NEXN: variants seen among roughly 807,000 people sequenced by gnomAD.
NEXN encodes nexilin.
In NEXN, 65 loss-of-function variants were observed where a neutral mutation model predicts 92.6. The ratio of observed to expected loss-of-function variants is 0.70; its 90% confidence interval spans 0.57 to 0.86. The LOEUF (loss-of-function observed/expected upper bound fraction) is 0.86, where lower values mean the gene tolerates loss of function less well. Among genes scored for constraint, NEXN ranks in the 40% least tolerant of loss-of-function variants. The probability of loss-of-function intolerance (pLI) is 0.00; values close to 1 mark genes in which losing one functional copy is unlikely to be tolerated. For missense variants in NEXN, 778 were observed against 771.1 expected, an observed-to-expected ratio of 1.01 and a Z score of -0.11; for synonymous variants, 254 against 242.5, an observed-to-expected ratio of 1.05 and a Z score of -0.44.
intron 10 of NEXN, 140 bp from the exon 11 acceptor site, chr1:77,935,683 T>C: frequency 1.5e-6 from 1 of 676,328 alleles, no homozygotes; most frequent in Non-Finnish European, 2.6e-6. Context: ...TCACACATGG[T>C]GGCATGTGCC....
intron 11 of NEXN, among the ~76,000 whole-genome samples, chr1:77,938,281 CA>C (rs1235729812): frequency 6.6e-6 from 1 of 152,164 alleles, no homozygotes; most frequent in Non-Finnish European, 1.5e-5. Flanking sequence ...TTAACATCTA[CA>C]AAATGTTGAA....
chr1:77,916,493 T>C (rs1648985523), intron 2 of NEXN, among the ~76,000 whole-genome samples: 2 of 152,164 alleles, frequency 1.3e-5, no homozygotes, highest in Admixed American at 6.5e-5. Flanking sequence ...GAAAACATAA[T>C]TCCCTCTTAG....
intron 9 of NEXN, 30 bp downstream of exon 9, chr1:77,929,534 T>A (rs1192540660): frequency 2.5e-6 from 4 of 1,610,064 alleles, no homozygotes; most frequent in Admixed American, 3.3e-5. Context: ...GAGAATGCTA[T>A]TAGAATTCAC....
chr1:77,900,036 C>T (rs982667603), intron 1 of NEXN, among the ~76,000 whole-genome samples: 2 of 152,144 alleles, frequency 1.3e-5, no homozygotes, highest in South Asian at 4.1e-4. Context: ...TTTGCTGGCT[C>T]TCTATTGCCT....
chr1:77,893,014 G>C (rs1647143946), intron 1 of NEXN, among the ~76,000 whole-genome samples: 1 of 151,932 alleles, frequency 6.6e-6, no homozygotes, highest in Admixed American at 6.6e-5. Flanking sequence ...CTACAGACAT[G>C]CACCACCATG....
chr1:77,906,133 A>G (rs1648096107), intron 1 of NEXN, among the ~76,000 whole-genome samples: 1 of 152,176 alleles, frequency 6.6e-6, no homozygotes, highest in South Asian at 2.1e-4. Flanking sequence ...ATGAAAAAAC[A>G]GAGGGAGAAT....
At chr1:77,902,711 A>G (rs567524362) in intron 1 of NEXN, among the ~76,000 whole-genome samples, 13 of 152,318 alleles carry the variant, frequency 8.5e-5, no homozygotes. Context: ...CCATAATAAA[A>G]AAGTAAACAA....
chr1:77,901,060 A>G (rs1464040157), intron 1 of NEXN, among the ~76,000 whole-genome samples: 1 of 152,220 alleles, frequency 6.6e-6, no homozygotes, highest in East Asian at 1.9e-4. Context: ...ACATTTCTAG[A>G]ATGAGAACTT....
rs1650054155 is a variant in NEXN at position 77,928,667 on chromosome 1, T to G, written c.865-649T>G. 1.3e-5 allele frequency among the ~76,000 whole-genome samples: 2 copies of G among 151,846 alleles called. 1 individual carries two copies. The highest frequency in any genetic ancestry group is 4.1e-4 in the South Asian group (2 of 4,820). On this transcript the variant is annotated intron_variant, in intron 8 of 12. Coordinates refer to ENST00000334785, the MANE Select transcript of NEXN (RefSeq NM_144573.4). ...TCTGATTAGTATAAGGTACCATAGT[T>G]CACAGTAAAAAAAAAAATACAAAAA...
In NEXN at chr1:77,933,279, T is replaced by C; in HGVS notation, c.1054-3T>C. 1 of 1,534,796 alleles carries C rather than the reference T, an allele frequency of 6.5e-7. No homozygotes were observed. Among genetic ancestry groups the C allele is most frequent in the South Asian group, 1.1e-5 (1 of 88,324 alleles). ...AGAGTGATAAAATAATTATTTTAAA[T>C]AGGTAGTAGATGATGACTCCCCAGA... is the stretch of plus-strand genomic sequence containing the variant. On this transcript the variant is annotated splice_polypyrimidine_tract_variant and splice_region_variant and intron_variant, in intron 9 of 12. Transcript: ENST00000334785.
chr1:77,893,090 C>T (rs1269342906), intron 1 of NEXN, among the ~76,000 whole-genome samples: 2 of 152,038 alleles, frequency 1.3e-5, no homozygotes, highest in Non-Finnish European at 2.9e-5. Flanking sequence ...TTGTCTCAAA[C>T]TCATGGTCTC....
intron 11 of NEXN, among the ~76,000 whole-genome samples, chr1:77,939,070 G>A (rs991642366): frequency 2.0e-5 from 3 of 152,192 alleles, no homozygotes; most frequent in African/African-American, 7.2e-5. Flanking sequence ...CAGGCATGAA[G>A]TTGGGGCCAA....
chr1:77,916,848 C>G (rs1303321556), intron 2 of NEXN, among the ~76,000 whole-genome samples: 5 of 152,134 alleles, frequency 3.3e-5, no homozygotes, highest in Non-Finnish European at 4.4e-5. Flanking sequence ...TTTCTTCAGT[C>G]TTCTACCAGA....
At position 77,929,442 on chromosome 1, in the gene NEXN, G is replaced by T. The variant is rs533331740; in HGVS notation, c.991G>T (p.Glu331Ter). 2.5e-6 allele frequency: 4 copies of T among 1,613,318 alleles called. No homozygotes were observed. In the African/African-American group the frequency reaches 5.3e-5, roughly 22 times the overall value. Residue 331 changes from glutamate to a stop codon, truncating the protein, a stop_gained, in exon 9 of 13, where the codon GAA (glutamate) becomes TAA (stop). Coordinates refer to ENST00000334785, the MANE Select transcript of NEXN (RefSeq NM_144573.4). LOFTEE classifies it high-confidence loss of function. Reference protein sequence around the residue: ...RREDEKRKAEEEARRRIEEEK... With the variant: ...RREDEKRKAE ...AGAAGATGAAAAAAGGAAAGCAGAA[G>T]AAGAAGCCAGAAGGAGAATAGAGGA...
chr1:77,901,209 A>G (rs1166704), intron 1 of NEXN, among the ~76,000 whole-genome samples: 133,654 of 152,130 alleles, frequency 0.88, 58,872 homozygotes, highest in Non-Finnish European at 0.9. Flanking sequence ...ATAAGGTCAT[A>G]TTTTCTTAGA....
rs910760548 is a variant in NEXN, at chr1:77,930,374, C to T, written c.1053+870C>T. Among the ~76,000 whole-genome samples, 5 of 152,084 alleles carry T rather than the reference C, an allele frequency of 3.3e-5. No individual in the cohort carries two copies. The East Asian group carries it at 9.6e-4, about 29-fold the overall frequency. On this transcript the variant is annotated intron_variant, in intron 9 of 12. Transcript: ENST00000334785. ...AATCACTATGAAATCTGTCAGTTTT[C>T]CCCCCATTTTCACCGCCACTACTAT...
intron 1 of NEXN, among the ~76,000 whole-genome samples, chr1:77,907,480 A>G (rs1648203857): frequency 6.6e-6 from 1 of 152,234 alleles, no homozygotes; most frequent in Non-Finnish European, 1.5e-5. Context: ...TTATTTTGCT[A>G]CAACTTTTTA....
intron 6 of NEXN, 114 bp from the exon 7 acceptor site, chr1:77,926,300 T>G: frequency 1.5e-6 from 1 of 681,608 alleles, no homozygotes; most frequent in Non-Finnish European, 2.5e-6. Flanking sequence ...AAAAATGTTC[T>G]TCATAATAAC....
In NEXN at chr1:77,933,306, A is replaced by G; in HGVS notation, c.1078A>G (p.Met360Val). 1.2e-6 allele frequency: 2 copies of G among 1,603,886 alleles called. No individual in the cohort carries two copies. Among genetic ancestry groups the G allele is most frequent in the Non-Finnish European group, 1.7e-6 (2 of 1,171,904 alleles). ...GGTAGTAGATGATGACTCCCCAGAG[A>G]TGTATAAGACAATCTCTCAAGAATT... ...NMVVDDDSPE[M>V]YKTISQEFLT... is the part of the protein sequence containing the mutation. Residue 360 changes from methionine (M) to valine (V), a missense_variant, in exon 10 of 13, where the codon ATG becomes GTG. Coordinates refer to ENST00000334785, the MANE Select transcript of NEXN (RefSeq NM_144573.4).
Sources: gnomAD v4.1 joint callset for allele counts (sites outside exome capture counted in the v4.1 genomes callset) on GRCh38, gnomAD v4.1.1 for gene constraint, MANE v1.5 for transcripts, NCBI Gene and HGNC (gene_info 2026-07-23, HGNC 2026-07-21) for gene names.